NUDT7: variants seen among roughly 807,000 people sequenced by gnomAD.
NUDT7 encodes nudix hydrolase 7.
NUDT7 carries 19 observed loss-of-function variants against 13.1 expected under a neutral mutation model. The observed-to-expected ratio is 1.45, with a 90% CI of 1.01 to 2.13. The LOEUF (loss-of-function observed/expected upper bound fraction) is 2.13. NUDT7 is among the 30% of genes most tolerant of loss of function. The pLI is 0.00. For synonymous variants in NUDT7, 132 were observed against 109.7 expected (o/e 1.20, Z -1.27); for missense variants, 360 against 291.7 (o/e 1.23, Z -1.71).
intron 2 of NUDT7, among the ~76,000 whole-genome samples, chr16:77,728,253 G>A: frequency 6.6e-6 from 1 of 151,988 alleles, no homozygotes. Flanking sequence ...TTTTTTTTCA[G>A]AAGGATTCTC....
chr16:77,732,014 A>C (rs925282421), intron 2 of NUDT7, among the ~76,000 whole-genome samples: 34 of 152,306 alleles, frequency 2.2e-4, no homozygotes, highest in African/African-American at 7.5e-4. Flanking sequence ...ATAGTAAGCT[A>C]CAGTTAATTT....
chr16:77,722,515 C>G lies in NUDT7; in HGVS notation c.-68C>G. On this transcript the variant is annotated 5_prime_UTR_variant, in exon 1 of 4. Coordinates refer to ENST00000268533, the MANE Select transcript of NUDT7 (RefSeq NM_001105663.3). ...TAGGCCGCTCCCAAGCCCAGAGCTGCTCTGCGCAAGCGCGACCGACCGAGC... is the reference window on the plus strand; with the variant it reads ...TAGGCCGCTCCCAAGCCCAGAGCTGGTCTGCGCAAGCGCGACCGACCGAGC... 6.9e-7 allele frequency: 1 copy of G among 1,446,836 alleles called. No homozygotes were observed. Among genetic ancestry groups the G allele is most frequent in the Non-Finnish European group, 9.5e-7 (1 of 1,054,272 alleles). The allele number at this position is 1,446,836 out of a possible 1,614,324, so 89.6% of individuals were successfully genotyped here.
Position 77,725,552 on chromosome 16 carries a change from C to T in NUDT7, c.157C>T (p.Leu53Phe). The change falls in exon 2 of 4, where the codon CTC (leucine) becomes TTC (phenylalanine). Residue 53 changes from leucine (L) to phenylalanine (F), a missense_variant. Physicochemically the swap from Leu to Phe is conservative, Grantham distance 22 (BLOSUM62 0). Transcript: ENST00000268533. ...GCCATTGGTGGCTAAAGAAGGAAAA[C>T]TCCATTTGTTGTTCACCGTCCGGTC... ...LLPLVAKEGK[L>F]HLLFTVRSEK... 6.2e-7 allele frequency: 1 copy of T among 1,614,002 alleles called. No individual in the cohort carries two copies. The highest frequency in any genetic ancestry group is 8.5e-7 in the Non-Finnish European group (1 of 1,179,992).
In NUDT7 at chr16:77,735,636, GA is replaced by G. The variant is rs1567431215; in HGVS notation, c.190-187del. On this transcript the variant is annotated intron_variant, in intron 2 of 3. Transcript: ENST00000268533. ...CAAATAGAATAAAAGTTAGCAGTGA[GA>G]AAAATTTTCAAGGTTCATTTCTTAA... The G allele has an allele frequency of 6.4e-6, 4 of 627,712 alleles. No homozygotes were observed. In the African/African-American group the frequency reaches 7.3e-5, roughly 11 times the overall value. The allele number at this position is 627,712 out of a possible 1,614,324, so 38.9% of individuals were successfully genotyped here.
intron 2 of NUDT7, among the ~76,000 whole-genome samples, chr16:77,727,866 TAAATAAATAA>T (rs1467570809): frequency 1.6e-5 from 2 of 128,804 alleles, no homozygotes; most frequent in Non-Finnish European, 3.1e-5. Flanking sequence ...CAATAATGAA[TAAATAAATAA>T]AAATAAATAA....
chr16:77,726,060 C>T (rs1188784612), intron 2 of NUDT7, among the ~76,000 whole-genome samples: 2 of 152,164 alleles, frequency 1.3e-5, no homozygotes, highest in Non-Finnish European at 2.9e-5. Context: ...CAAATTGCCC[C>T]CCACCAAGGG....
rs76239412 is a variant in NUDT7 at position 77,734,262 on chromosome 16, T to C, written c.190-1566T>C. Among the ~76,000 whole-genome samples the C allele has an allele frequency of 9.2e-5, 14 of 152,302 alleles. No homozygotes were observed. In the East Asian group the frequency reaches 2.7e-3, roughly 29 times the overall value. ...TTATATTCCAGCTCACTGAGTGAACTTGGTCAGGTTATTTAACCTCTGTGA... is the reference window on the plus strand; with the variant it reads ...TTATATTCCAGCTCACTGAGTGAACCTGGTCAGGTTATTTAACCTCTGTGA... On this transcript the variant is annotated intron_variant, in intron 2 of 3. Coordinates refer to ENST00000268533, the MANE Select transcript of NUDT7 (RefSeq NM_001105663.3).
chr16:77,736,028 C>T (rs1434033940), intron 3 of NUDT7, 42 bp downstream of exon 3: 1 of 1,563,652 alleles, frequency 6.4e-7, no homozygotes, highest in African/African-American at 1.4e-5. Flanking sequence ...GTCCCCACCC[C>T]CAGGTGGATC....
At chr16:77,734,167 G>C (rs2145119845) in intron 2 of NUDT7, among the ~76,000 whole-genome samples, 1 of 152,188 alleles carries the variant, frequency 6.6e-6, no homozygotes, top group East Asian at 1.9e-4. Context: ...TATTTTTTGT[G>C]TCTTACTAAA....
Position 77,741,641 on chromosome 16 carries a change from G to A in NUDT7, c.408G>A (p.Pro136=), listed in dbSNP as rs375405359. 5.5e-5 allele frequency: 88 copies of A among 1,613,730 alleles called. No homozygotes were observed. The highest frequency in any genetic ancestry group is 4.4e-4 in the African/African-American group (33 of 74,910). Residue 136 remains proline, a synonymous_variant, in exon 4 of 4, where the codon CCG becomes CCA. Coordinates refer to ENST00000268533, the MANE Select transcript of NUDT7 (RefSeq NM_001105663.3). ...GLIDHNFQAQ[P]NPAEVKDVFL... ...TAGACCACAACTTCCAGGCCCAGCC[G>A]AATCCTGCTGAAGTTAAGGATGTAT... is the stretch of plus-strand genomic sequence containing the variant.
At position 77,742,142 on chromosome 16, in the gene NUDT7, C is replaced by G. The variant is rs1220882532; in HGVS notation, c.*192C>G. 1 of 1,303,100 alleles carries G rather than the reference C, an allele frequency of 7.7e-7. No individual in the cohort carries two copies. Among genetic ancestry groups the G allele is most frequent in the Non-Finnish European group, 9.8e-7 (1 of 1,018,948 alleles). 80.7% of individuals were successfully genotyped at this position (1,303,100 alleles called of 1,614,324 possible). A position where few individuals can be genotyped will look rare whatever the true frequency, so the allele number is the denominator to read the frequency against. On this transcript the variant is annotated 3_prime_UTR_variant, in exon 4 of 4. Transcript: ENST00000268533. The stretch of plus-strand genomic sequence containing the variant: ...AGTAAAAGCCATTCAAAAATGAAAA[C>G]TATGTTCATAGTGTTGCATATTTTC...
intron 1 of NUDT7, among the ~76,000 whole-genome samples, chr16:77,723,592 C>CTTTTTTTTT (rs148451618): frequency 2.4e-5 from 3 of 125,702 alleles, no homozygotes; most frequent in African/African-American, 3.1e-5. Context: ...TTTGTATACA[C>CTTTTTTTTT]TTTTTTTTTT....
chr16:77,738,334 G>A (rs1327670984), intron 3 of NUDT7, among the ~76,000 whole-genome samples: 1 of 152,170 alleles, frequency 6.6e-6, no homozygotes, highest in Admixed American at 6.5e-5. Context: ...GGAGATTCCT[G>A]GGGGCCAGAT....
rs1180944167 is a variant in NUDT7, at chr16:77,729,824, C to CAATAAATA, written c.189+4256_189+4263dup. Among the ~76,000 whole-genome samples, 22 of 147,904 alleles carry CAATAAATA rather than the reference C, an allele frequency of 1.5e-4. No individual in the cohort carries two copies. The South Asian group carries it at 4.6e-3, about 31-fold the overall frequency. ...TGGGCAACAGAGCGAGACTCTATCT[C>CAATAAATA]AATAAATAAATAAATAAATAAATTT... On this transcript the variant is annotated intron_variant, in intron 2 of 3. Transcript: ENST00000268533.
At chr16:77,722,700 C>T in intron 1 of NUDT7, 83 bp downstream of exon 1, 1 of 1,389,778 alleles carries the variant, frequency 7.2e-7, no homozygotes. Context: ...GCCTTTTGGC[C>T]GGGACTGATT....
intron 2 of NUDT7, among the ~76,000 whole-genome samples, chr16:77,728,138 T>C (rs1484545317): frequency 3.9e-5 from 6 of 152,100 alleles, no homozygotes; most frequent in Non-Finnish European, 2.9e-5. Flanking sequence ...AGGGCGCTGG[T>C]AGGAGATTTC....
rs1421457609 is a variant in NUDT7, at chr16:77,722,609, GCCAGT to G, written c.29_33del (p.Pro10GlnfsTer7). ...TGTCACGACTTGGTCTTCCCGAGGA[GCCAGT>G]CAGGTAAAGGCTTTCCGGGCCCTGG... On this transcript the variant is annotated frameshift_variant, in exon 1 of 4. Transcript: ENST00000268533. LOFTEE classifies it high-confidence loss of function. 6.3e-7 allele frequency: 1 copy of G among 1,594,546 alleles called. No individual in the cohort carries two copies. The highest frequency in any genetic ancestry group is 1.7e-5 in the Admixed American group (1 of 58,088).
rs1357511400 is a variant in NUDT7 at position 77,735,612 on chromosome 16, A to T, written c.190-216A>T. 1.0e-5 allele frequency: 6 copies of T among 591,392 alleles called. No individual in the cohort carries two copies. In the African/African-American group the frequency reaches 1.1e-4, roughly 11 times the overall value. 36.6% of individuals were successfully genotyped at this position (591,392 alleles called of 1,614,324 possible). A position where few individuals can be genotyped will look rare whatever the true frequency, so the allele number is the denominator to read the frequency against. The stretch of plus-strand genomic sequence containing the variant: ...ACAGTGTGTGGTATCTTTTGGGGAC[A>T]AATAGAATAAAAGTTAGCAGTGAGA... On this transcript the variant is annotated intron_variant, in intron 2 of 3. Coordinates refer to ENST00000268533, the MANE Select transcript of NUDT7 (RefSeq NM_001105663.3).
chr16:77,735,609 G>A (rs939408764), intron 2 of NUDT7: 7 of 588,660 alleles, frequency 1.2e-5, no homozygotes, highest in Admixed American at 8.8e-5. Context: ...ATCTTTTGGG[G>A]ACAAATAGAA....
Sources: allele counts gnomAD v4.1 joint callset (sites outside exome capture counted in the v4.1 genomes callset), GRCh38; gene constraint gnomAD v4.1.1; transcripts MANE v1.5; gene names NCBI Gene and HGNC (gene_info 2026-07-23, HGNC 2026-07-21).